The following CCM2 variants were observed in gnomAD, a reference collection of about 807,000 sequenced individuals.
The protein encoded by CCM2 is cerebral cavernous malformations 2 protein.
In CCM2, 25 loss-of-function variants were observed where a neutral mutation model predicts 44.9. The observed-to-expected ratio is 0.56, with a 90% confidence interval of 0.41 to 0.78. CCM2 has a LOEUF of 0.78. Among genes scored for constraint, CCM2 ranks in the 30% least tolerant of loss-of-function variants. CCM2 has a pLI of 0.00. For synonymous variants in CCM2, 219 were observed against 241.1 expected (o/e 0.91, Z 0.85); for missense variants, 481 against 580.6 (o/e 0.83, Z 1.76).
intron 4 of CCM2, among the ~76,000 whole-genome samples, chr7:45,066,410 G>A (rs1798774879): frequency 6.6e-6 from 1 of 152,192 alleles, no homozygotes; most frequent in Admixed American, 6.5e-5. Flanking sequence ...GCCTCCCAAA[G>A]TGTTGGGACT....
chr7:45,017,632 T>C (rs1484975306), intron 1 of CCM2, among the ~76,000 whole-genome samples: 2 of 152,190 alleles, frequency 1.3e-5, no homozygotes, highest in South Asian at 2.1e-4. Flanking sequence ...TGTCTTTTTT[T>C]CCCCATGATC....
chr7:45,072,815 G>A, intron 7 of CCM2, 32 bp downstream of exon 7: 2 of 1,575,996 alleles, frequency 1.3e-6, no homozygotes, highest in Non-Finnish European at 1.7e-6. Context: ...CCCTGCGGTG[G>A]GACACGCACC....
At chr7:45,049,701 G>T (rs571178328) in intron 2 of CCM2, among the ~76,000 whole-genome samples, 1 of 151,522 alleles carries the variant, frequency 6.6e-6, no homozygotes, top group African/African-American at 2.4e-5. Flanking sequence ...TCTAAGGCTA[G>T]GTTACTTTTT....
chr7:45,068,151 G>T, intron 4 of CCM2: 1 of 466,600 alleles, frequency 2.1e-6, no homozygotes, highest in East Asian at 4.3e-5. Flanking sequence ...TCCTGGAGGT[G>T]ACTGTTCTCA....
chr7:45,020,274 C>T (rs1361328102), intron 1 of CCM2, among the ~76,000 whole-genome samples: 1 of 152,078 alleles, frequency 6.6e-6, no homozygotes, highest in Non-Finnish European at 1.5e-5. Flanking sequence ...TTGTTTTTCA[C>T]ATTTTATCTA....
chr7:45,073,274 C>G, intron 7 of CCM2, 186 bp from the exon 8 acceptor site: 1 of 634,094 alleles, frequency 1.6e-6, no homozygotes, highest in East Asian at 2.7e-5. Flanking sequence ...CGGGGAGCCC[C>G]AGGACCAGGC....
chr7:45,074,152 AG>A, intron 8 of CCM2, 117 bp from the exon 9 acceptor site: 1 of 1,566,528 alleles, frequency 6.4e-7, no homozygotes, highest in South Asian at 1.2e-5. Context: ...GCCTGTGCAG[AG>A]GTGAAGCCAG....
In CCM2 at chr7:45,047,577, G is replaced by T. The variant is rs150846838; in HGVS notation, c.204+9151G>T. Among the ~76,000 whole-genome samples the T allele has an allele frequency of 4.7e-3, 714 of 152,300 alleles. 5 individuals carry two copies. The highest frequency in any genetic ancestry group is 0.016 in the African/African-American group (681 of 41,568). On this transcript the variant is annotated intron_variant, in intron 2 of 9. Transcript: ENST00000258781. The stretch of plus-strand genomic sequence containing the variant: ...ACAAACTACACAGCAACCTGGATGG[G>T]CCTCCAGAGAATTATGTTGAGTGAA...
intron 1 of CCM2, among the ~76,000 whole-genome samples, chr7:45,012,130 C>CTTTTTT (rs60568953): frequency 2.1e-5 from 2 of 94,088 alleles, no homozygotes; most frequent in African/African-American, 7.7e-5. Context: ...ATCATAATAT[C>CTTTTTT]TTTTTTTTTT....
chr7:45,024,456 C>T (rs1180125723), intron 1 of CCM2, among the ~76,000 whole-genome samples: 2 of 152,166 alleles, frequency 1.3e-5, no homozygotes, highest in East Asian at 1.9e-4. Flanking sequence ...CTGTCATTGT[C>T]ACCCTGGGAT....
chr7:45,063,407 T>G (rs1469810707), intron 2 of CCM2, among the ~76,000 whole-genome samples: 4 of 152,220 alleles, frequency 2.6e-5, no homozygotes, highest in Non-Finnish European at 4.4e-5. Flanking sequence ...TTAACACTGT[T>G]GCATGTGGGG....
At chr7:45,037,476 A>G (rs1441531252) in intron 1 of CCM2, among the ~76,000 whole-genome samples, 1 of 134,516 alleles carries the variant, frequency 7.4e-6, no homozygotes. Flanking sequence ...GCTGGAGTGC[A>G]GTGGCATCTC....
At chr7:45,067,320 C>T (rs1446391965) in intron 4 of CCM2, among the ~76,000 whole-genome samples, 1 of 151,758 alleles carries the variant, frequency 6.6e-6, no homozygotes, top group Non-Finnish European at 1.5e-5. Context: ...GCCACCACGC[C>T]CAGCTAATTT....
intron 6 of CCM2, 177 bp from the exon 7 acceptor site, chr7:45,072,549 G>A: frequency 1.5e-6 from 1 of 682,910 alleles, no homozygotes; most frequent in South Asian, 1.5e-5. Context: ...AGTCTGGGAA[G>A]CCCTGCCCTG....
chr7:45,056,821 G>A (rs1798286028), intron 2 of CCM2, among the ~76,000 whole-genome samples: 1 of 152,150 alleles, frequency 6.6e-6, no homozygotes, highest in Non-Finnish European at 1.5e-5. Context: ...GTTTAATTTT[G>A]GTGAAGTCCA....
intron 6 of CCM2, chr7:45,072,425 A>T (rs1465906067): frequency 9.4e-6 from 5 of 533,104 alleles, no homozygotes; most frequent in Non-Finnish European, 1.7e-5. Flanking sequence ...CACATGAGTG[A>T]TACCTCAAAG....
intron 1 of CCM2, 95 bp downstream of exon 1, chr7:45,000,458 G>GGA (rs1445178673): frequency 3.1e-6 from 1 of 318,634 alleles, no homozygotes; most frequent in Admixed American, 6.1e-5. Context: ...GGGGCCCGGG[G>GGA]GGGGGGGCAG....
chr7:45,002,136 G>A (rs1373562959), intron 1 of CCM2, among the ~76,000 whole-genome samples: 2 of 152,160 alleles, frequency 1.3e-5, no homozygotes, highest in Non-Finnish European at 2.9e-5. Flanking sequence ...TAATAACTTC[G>A]GTGGTTAAAT....
At chr7:45,007,379 G>C (rs1013409710) in intron 1 of CCM2, among the ~76,000 whole-genome samples, 1 of 152,102 alleles carries the variant, frequency 6.6e-6, no homozygotes, top group African/African-American at 2.4e-5. Context: ...CGCACTCCTT[G>C]GCTTTTTTAT....
Sources: gnomAD v4.1 joint callset for allele counts (sites outside exome capture counted in the v4.1 genomes callset) on GRCh38, gnomAD v4.1.1 for gene constraint, MANE v1.5 for transcripts, NCBI Gene and HGNC (gene_info 2026-07-23, HGNC 2026-07-21) for gene names.